The following FBN2 variants were observed in gnomAD, a reference collection of about 807,000 sequenced individuals.
FBN2 encodes fibrillin-2.
A neutral mutation model predicts 355.6 loss-of-function variants in FBN2; 105 were observed. That is an observed-to-expected ratio of 0.30 (90% CI 0.25 to 0.35). FBN2 has a LOEUF of 0.35. FBN2 is among the 10% of genes least tolerant of loss of function. The pLI is 1.00. For missense variants in FBN2, 3,280 were observed against 3,758.7 expected (o/e 0.87, Z 3.33); for synonymous variants, 1,350 against 1,301.2 (o/e 1.04, Z -0.81).
chr5:128,527,763 C>T (rs1033696779), intron 4 of FBN2, 109 bp downstream of exon 4: 15 of 768,004 alleles, frequency 2.0e-5, no homozygotes, highest in Middle Eastern at 2.3e-4. Flanking sequence ...TGGTTTACTA[C>T]ATAAAATTGT....
At chr5:128,452,249 T>C (rs1180837041) in intron 6 of FBN2, among the ~76,000 whole-genome samples, 2 of 152,198 alleles carry the variant, frequency 1.3e-5, no homozygotes, top group South Asian at 2.1e-4. Context: ...ACTGTACAGA[T>C]GTTATCTTTG....
At position 128,505,476 on chromosome 5, in the gene FBN2, T is replaced by C. The variant is rs535142493; in HGVS notation, c.628+13797A>G. Among the ~76,000 whole-genome samples the C allele has an allele frequency of 7.9e-5, 12 of 152,264 alleles. No homozygotes were observed. In the South Asian group the frequency reaches 2.5e-3, roughly 32 times the overall value. ...CAATTTTTTAACAGCTTTCCCGAGG[T>C]ATAATAAACATACAATCAGCATCAT... On this transcript the variant is annotated intron_variant, in intron 5 of 64. Transcript: ENST00000262464.
chr5:128,286,938 C>T, intron 54 of FBN2, 89 bp from the exon 55 acceptor site: 1 of 1,268,574 alleles, frequency 7.9e-7, no homozygotes, highest in Non-Finnish European at 1.1e-6. Flanking sequence ...TGACACTTAA[C>T]ATGTAATTTT....
chr5:128,445,713 T>A (rs915775664), intron 7 of FBN2, among the ~76,000 whole-genome samples: 2 of 152,120 alleles, frequency 1.3e-5, no homozygotes, highest in African/African-American at 2.4e-5. Flanking sequence ...ACTGAAAAGA[T>A]AAACATTGTA....
At chr5:128,417,886 G>T (rs923251114) in intron 7 of FBN2, among the ~76,000 whole-genome samples, 1 of 152,132 alleles carries the variant, frequency 6.6e-6, no homozygotes, top group Admixed American at 6.6e-5. Flanking sequence ...TTTGGGAATA[G>T]TTTGAGGAGA....
In FBN2 at chr5:128,264,302, T is replaced by C. The variant is rs1316332363; in HGVS notation, c.7961-646A>G. On this transcript the variant is annotated intron_variant, in intron 62 of 64. Transcript: ENST00000262464. ...ATTTATAAACCCTAAATGAAAACGA[T>C]GGAAAACAACACTATTTAGTTAAAT... 2.0e-5 allele frequency among the ~76,000 whole-genome samples: 3 copies of C among 150,832 alleles called. No homozygotes were observed. In the South Asian group the frequency reaches 6.3e-4, roughly 32 times the overall value.
intron 62 of FBN2, among the ~76,000 whole-genome samples, chr5:128,268,590 C>T (rs1423323103): frequency 2.6e-5 from 4 of 152,144 alleles, no homozygotes; most frequent in Non-Finnish European, 4.4e-5. Context: ...AATTTCAGGC[C>T]AATATCCCTG....
At chr5:128,442,785 A>G (rs1216798922) in intron 7 of FBN2, among the ~76,000 whole-genome samples, 3 of 152,064 alleles carry the variant, frequency 2.0e-5, no homozygotes, top group African/African-American at 4.8e-5. Flanking sequence ...ACACACACAG[A>G]GAGAGAGGAA....
chr5:128,382,238 T>C (rs1398678677), intron 11 of FBN2, among the ~76,000 whole-genome samples: 1 of 152,114 alleles, frequency 6.6e-6, no homozygotes, highest in Non-Finnish European at 1.5e-5. Flanking sequence ...GCCTTTGATT[T>C]TTCTACTGCA....
intron 19 of FBN2, among the ~76,000 whole-genome samples, chr5:128,358,587 T>A (rs753630514): frequency 3.3e-5 from 5 of 152,102 alleles, no homozygotes; most frequent in Non-Finnish European, 7.4e-5. Flanking sequence ...ATGAATGTAT[T>A]TTGCTTTTCA....
intron 6 of FBN2, among the ~76,000 whole-genome samples, chr5:128,449,344 A>G: frequency 9.8e-6 from 1 of 101,550 alleles, no homozygotes; most frequent in African/African-American, 3.3e-5. Flanking sequence ...GTATAATTAC[A>G]TAGTATACTA....
chr5:128,277,428 G>A (rs1304619647), intron 58 of FBN2, among the ~76,000 whole-genome samples: 2 of 152,150 alleles, frequency 1.3e-5, no homozygotes, highest in Admixed American at 6.5e-5. Flanking sequence ...AATAATAGCA[G>A]AGAAACATGG....
chr5:128,288,730 A>T (rs1000009705), intron 52 of FBN2, among the ~76,000 whole-genome samples, 173 bp from the exon 53 acceptor site: 1 of 152,182 alleles, frequency 6.6e-6, no homozygotes, highest in Non-Finnish European at 1.5e-5. Context: ...GAGGGTCTGA[A>T]GGATCAATGT....
At chr5:128,459,493 CA>C (rs1754499053) in intron 6 of FBN2, among the ~76,000 whole-genome samples, 3 of 102,910 alleles carry the variant, frequency 2.9e-5, no homozygotes, top group Non-Finnish European at 5.9e-5. Flanking sequence ...GGCAGAGACA[CA>C]ACAACAACAA....
chr5:128,378,976 A>G (rs1752158841), intron 11 of FBN2, 86 bp from the exon 12 acceptor site: 10 of 1,433,318 alleles, frequency 7.0e-6, no homozygotes, highest in Middle Eastern at 1.9e-4. Context: ...CTAAAGTTTG[A>G]GAGAAGGCCA....
At chr5:128,449,686 A>G (rs1012023171) in intron 6 of FBN2, among the ~76,000 whole-genome samples, 35 of 151,802 alleles carry the variant, frequency 2.3e-4, no homozygotes, top group African/African-American at 8.2e-4. Flanking sequence ...AAAATGACAG[A>G]TTTAAACACA....
intron 4 of FBN2, among the ~76,000 whole-genome samples, chr5:128,527,671 C>A (rs1367461103): frequency 2.0e-5 from 3 of 152,028 alleles, no homozygotes; most frequent in African/African-American, 7.2e-5. Context: ...TATTCAAGAA[C>A]ATCACTGCTC....
chr5:128,261,977 A>G (rs1182110162), intron 63 of FBN2, 70 bp from the exon 64 acceptor site: 1 of 1,249,964 alleles, frequency 8.0e-7, no homozygotes, highest in South Asian at 1.2e-5. Context: ...GTGGTAGAGC[A>G]GACTCTTCAG....
rs182104146 is a variant in FBN2 at position 128,438,076 on chromosome 5, C to T, written c.952+8405G>A. Among the ~76,000 whole-genome samples, 574 of 152,288 alleles carry T rather than the reference C, an allele frequency of 3.8e-3. 5 individuals are homozygous for T. The highest frequency in any genetic ancestry group is 6.3e-3 in the Non-Finnish European group (426 of 68,020). Reference sequence around the variant, plus strand: ...CATGATCCCAGGTAACTGCAACCTCCGCCTCCTGGGCTTAGGTGATCCTAA... The same window carrying T: ...CATGATCCCAGGTAACTGCAACCTCTGCCTCCTGGGCTTAGGTGATCCTAA... On this transcript the variant is annotated intron_variant, in intron 7 of 64. Coordinates refer to ENST00000262464, the MANE Select transcript of FBN2 (RefSeq NM_001999.4).
Sources: allele counts gnomAD v4.1 joint callset (sites outside exome capture counted in the v4.1 genomes callset), GRCh38; gene constraint gnomAD v4.1.1; transcripts MANE v1.5; gene names NCBI Gene and HGNC (gene_info 2026-07-23, HGNC 2026-07-21).